The following NOTCH2 variants were observed in gnomAD, a reference collection of about 807,000 sequenced individuals.
NOTCH2 encodes notch receptor 2, also known as neurogenic locus notch homolog protein 2.
NOTCH2 carries 29 observed loss-of-function variants against 235.8 expected under a neutral mutation model. The ratio of observed to expected loss-of-function variants is 0.12; its 90% CI spans 0.09 to 0.17. The LOEUF (loss-of-function observed/expected upper bound fraction) is 0.17, where lower values mean the gene tolerates loss of function less well. Among genes scored for constraint, NOTCH2 ranks in the 10% least tolerant of loss-of-function variants. NOTCH2 has a pLI of 1.00. For missense variants in NOTCH2, 2,285 were observed against 3,150.2 expected (o/e 0.73, Z 6.57); for synonymous variants, 1,086 against 1,141.5 (o/e 0.95, Z 0.98).
At chr1:120,007,615 G>A (rs1345299173) in intron 2 of NOTCH2, among the ~76,000 whole-genome samples, 49 of 151,500 alleles carry the variant, frequency 3.2e-4, no homozygotes, top group Non-Finnish European at 5.9e-4. Context: ...GCTTGAACCC[G>A]GGAGGCGGAG....
chr1:119,996,502 C>T, intron 4 of NOTCH2: 1 of 614,020 alleles, frequency 1.6e-6, no homozygotes, highest in Non-Finnish European at 3.0e-6. Context: ...GGCCAGTAGC[C>T]CAGAGAAAAT....
At chr1:119,938,992 T>C (rs1018585854) in intron 19 of NOTCH2, among the ~76,000 whole-genome samples, 1 of 152,196 alleles carries the variant, frequency 6.6e-6, no homozygotes, top group Non-Finnish European at 1.5e-5. Flanking sequence ...ATTCATTTAT[T>C]TTCTAACTCA....
chr1:119,979,540 G>C (rs1287256394), intron 5 of NOTCH2, among the ~76,000 whole-genome samples: 1 of 151,934 alleles, frequency 6.6e-6, no homozygotes. Flanking sequence ...TAACCAAATG[G>C]GTCCAACATG....
At chr1:119,957,233 A>C (rs1339124070) in intron 12 of NOTCH2, among the ~76,000 whole-genome samples, 4 of 152,240 alleles carry the variant, frequency 2.6e-5, no homozygotes, top group Non-Finnish European at 5.9e-5. Context: ...GGCAGAGGCC[A>C]TGAGTATATA....
intron 1 of NOTCH2, among the ~76,000 whole-genome samples, chr1:120,038,688 T>G (rs1553212276): frequency 1.5e-5 from 2 of 129,734 alleles, no homozygotes; most frequent in Non-Finnish European, 3.0e-5. Flanking sequence ...TCAGCTTGCA[T>G]GTTTATGTGT....
At chr1:119,948,906 C>A in intron 16 of NOTCH2, 101 bp downstream of exon 16, 1 of 1,416,798 alleles carries the variant, frequency 7.1e-7, no homozygotes, top group Non-Finnish European at 1.0e-6. Flanking sequence ...GATGGACAGG[C>A]CTCATAAGAC....
At chr1:119,928,336 CT>C (rs1649541080) in intron 23 of NOTCH2, among the ~76,000 whole-genome samples, 2 of 152,262 alleles carry the variant, frequency 1.3e-5, no homozygotes, top group East Asian at 3.9e-4. Flanking sequence ...ATCAACTGAT[CT>C]TTGGTTAAAC....
At chr1:119,962,176 G>A (rs1553199068) in intron 11 of NOTCH2, among the ~76,000 whole-genome samples, 2 of 151,996 alleles carry the variant, frequency 1.3e-5, no homozygotes, top group East Asian at 3.9e-4. Flanking sequence ...GTCCTCCCCA[G>A]AAAACACCTG....
intron 10 of NOTCH2, 75 bp from the exon 11 acceptor site, chr1:119,963,882 A>G: frequency 8.0e-7 from 1 of 1,254,156 alleles, no homozygotes; most frequent in South Asian, 1.2e-5. Context: ...GTGTAGCTAC[A>G]TCCATTTACT....
At chr1:119,978,394 C>T (rs112357447) in intron 5 of NOTCH2, among the ~76,000 whole-genome samples, 22 of 152,130 alleles carry the variant, frequency 1.4e-4, no homozygotes, top group Non-Finnish European at 2.8e-4. Flanking sequence ...AGAAATGACT[C>T]GATCCAATGC....
chr1:119,919,117 T>C (rs1451775890), intron 31 of NOTCH2, among the ~76,000 whole-genome samples, 195 bp downstream of exon 31: 1 of 152,234 alleles, frequency 6.6e-6, no homozygotes, highest in East Asian at 1.9e-4. Flanking sequence ...TCTATCACTA[T>C]CTTCCTATAT....
At position 119,969,794 on chromosome 1, in the gene NOTCH2, T is replaced by C. The variant is rs782732252; in HGVS notation, c.875-50A>G. 1.2e-5 allele frequency: 18 copies of C among 1,493,036 alleles called. No homozygotes were observed. The East Asian group carries it at 3.9e-4, about 32-fold the overall frequency. 92.5% of individuals were successfully genotyped at this position (1,493,036 alleles called of 1,614,324 possible). ...TTAGGGCTCTTGAGTCTCAAAGGAC[T>C]AGTACCATACCAGCCCCCCACACTC... On this transcript the variant is annotated intron_variant, in intron 5 of 33. Transcript: ENST00000256646.
At chr1:120,002,461 C>A (rs1202147555) in intron 3 of NOTCH2, among the ~76,000 whole-genome samples, 3 of 151,890 alleles carry the variant, frequency 2.0e-5, no homozygotes, top group Non-Finnish European at 2.9e-5. Flanking sequence ...GCAACTACAA[C>A]AGCCCAATCC....
At chr1:119,918,579 G>A (rs1358165243) in intron 31 of NOTCH2, 26 bp from the exon 32 acceptor site, 21 of 1,613,194 alleles carry the variant, frequency 1.3e-5, no homozygotes, top group Non-Finnish European at 1.7e-5. Flanking sequence ...GTACAGAAAA[G>A]AGAGTCACCT....
rs782431280 is a variant in NOTCH2, at chr1:120,060,450, A to AATAT, written c.73+8880_73+8883dup. Among the ~76,000 whole-genome samples, 104 of 139,862 alleles carry AATAT rather than the reference A, an allele frequency of 7.4e-4. 1 individual carries two copies. Among genetic ancestry groups the AATAT allele is most frequent in the Admixed American group, 1.9e-3 (27 of 14,252 alleles). The allele number at this position is 139,862 out of a possible 152,430, so 91.8% of individuals were successfully genotyped here. On this transcript the variant is annotated intron_variant, in intron 1 of 33. Transcript: ENST00000256646. ...TATATGTAGATCTGTTCATAAACTA[A>AATAT]ATATATATATATATATATATAAAAA...
intron 11 of NOTCH2, among the ~76,000 whole-genome samples, chr1:119,961,979 C>T (rs1553199028): frequency 6.6e-6 from 1 of 152,180 alleles, no homozygotes; most frequent in African/African-American, 2.4e-5. Context: ...GGTCTTTCTC[C>T]ACCCATTACA....
intron 2 of NOTCH2, among the ~76,000 whole-genome samples, chr1:120,009,619 T>C (rs1653106189): frequency 6.6e-6 from 1 of 152,094 alleles, no homozygotes; most frequent in Non-Finnish European, 1.5e-5. Context: ...GCTTAGAAAC[T>C]GTTTTCTAAA....
At chr1:119,936,996 G>A (rs1553195788) in intron 21 of NOTCH2, among the ~76,000 whole-genome samples, 1 of 152,102 alleles carries the variant, frequency 6.6e-6, no homozygotes, top group East Asian at 1.9e-4. Context: ...TATGTTGGGT[G>A]GGCCTGTAAA....
In NOTCH2 at chr1:119,935,487, G is replaced by A. The variant is rs1553195622; in HGVS notation, c.3640C>T (p.Pro1214Ser). 14 of 1,614,052 alleles carry A rather than the reference G, an allele frequency of 8.7e-6. No homozygotes were observed. Among genetic ancestry groups the A allele is most frequent in the African/African-American group, 1.3e-5 (1 of 74,918 alleles). Reference protein sequence around the residue: ...DLVNHFKCSCPPGTRGLLCEE... With the variant: ...DLVNHFKCSCSPGTRGLLCEE... ...GATTTCATACCCCGAGTGCCTGGTGGGCAAGAGCACTTGAAATGGTTCACA... is the reference window on the plus strand; with the variant it reads ...GATTTCATACCCCGAGTGCCTGGTGAGCAAGAGCACTTGAAATGGTTCACA... The change falls in exon 22 of 34, where the codon CCA becomes TCA. Residue 1214 changes from proline to serine, a missense_variant. Coordinates refer to ENST00000256646, the MANE Select transcript of NOTCH2 (RefSeq NM_024408.4).
Sources: gnomAD v4.1 joint callset for allele counts (sites outside exome capture counted in the v4.1 genomes callset) on GRCh38, gnomAD v4.1.1 for gene constraint, MANE v1.5 for transcripts, NCBI Gene and HGNC (gene_info 2026-07-23, HGNC 2026-07-21) for gene names.